The following COL21A1 variants were observed in gnomAD, a reference collection of about 807,000 sequenced individuals.
COL21A1 encodes collagen alpha-1(XXI) chain.
COL21A1 carries 149 observed loss-of-function variants against 137.9 expected under a neutral mutation model. The ratio of observed to expected loss-of-function variants is 1.08; its 90% CI spans 0.95 to 1.24. The LOEUF is 1.24. COL21A1 is among the 50% of genes most tolerant of loss of function. The pLI, the probability that COL21A1 is intolerant of heterozygous loss-of-function variation, is 0.00. For synonymous variants in COL21A1, 456 were observed against 391.5 expected, an observed-to-expected ratio of 1.16 and a Z score of -1.95; for missense variants, 1,167 against 1,158.4, an observed-to-expected ratio of 1.01 and a Z score of -0.11.
At chr6:56,078,671 T>C (rs1290283379) in intron 17 of COL21A1, among the ~76,000 whole-genome samples, 1 of 151,686 alleles carries the variant, frequency 6.6e-6, no homozygotes, top group Non-Finnish European at 1.5e-5. Flanking sequence ...ATCGCAATTA[T>C]AGGGCAAGAC....
chr6:56,069,699 A>G (rs1177294544), intron 21 of COL21A1, among the ~76,000 whole-genome samples: 1 of 150,638 alleles, frequency 6.6e-6, no homozygotes, highest in Non-Finnish European at 1.5e-5. Context: ...TATTAATATT[A>G]TAAAGTTCTT....
At chr6:56,219,412 T>C (rs1004018774) in intron 1 of COL21A1, among the ~76,000 whole-genome samples, 1 of 151,976 alleles carries the variant, frequency 6.6e-6, no homozygotes, top group Non-Finnish European at 1.5e-5. Flanking sequence ...GGCCCAATTC[T>C]TCTCCACAAC....
chr6:56,204,739 G>C (rs537666430), intron 1 of COL21A1, among the ~76,000 whole-genome samples: 212 of 152,292 alleles, frequency 1.4e-3, no homozygotes, highest in Non-Finnish European at 2.6e-3. Context: ...GCTCTGGCTG[G>C]CATCTGGCAG....
intron 1 of COL21A1, among the ~76,000 whole-genome samples, chr6:56,224,531 T>C (rs1335280438): frequency 6.6e-6 from 1 of 152,088 alleles, no homozygotes; most frequent in Non-Finnish European, 1.5e-5. Context: ...ATATACCTTA[T>C]GTCAATAAGT....
intron 16 of COL21A1, among the ~76,000 whole-genome samples, chr6:56,102,086 T>G (rs12214519): frequency 0.15 from 23,030 of 152,044 alleles, 1,750 homozygotes; most frequent in Middle Eastern, 0.22. Flanking sequence ...GATATATACC[T>G]TTACATTACT....
chr6:56,202,987 C>A (rs1281133155), intron 1 of COL21A1, among the ~76,000 whole-genome samples: 2 of 152,148 alleles, frequency 1.3e-5, no homozygotes, highest in Admixed American at 6.5e-5. Flanking sequence ...ATAAATGCAG[C>A]CTTTTTCTCT....
At chr6:56,184,279 T>C (rs1486338121) in intron 1 of COL21A1, among the ~76,000 whole-genome samples, 1 of 152,040 alleles carries the variant, frequency 6.6e-6, no homozygotes, top group Non-Finnish European at 1.5e-5. Flanking sequence ...TTCCTAAAAG[T>C]GGCCAGAGGA....
In COL21A1 at chr6:56,180,024, T is replaced by C; in HGVS notation, c.194A>G (p.Lys65Arg). The C allele has an allele frequency of 1.9e-6, 3 of 1,613,818 alleles. No homozygotes were observed. The East Asian group carries it at 6.7e-5, about 36-fold the overall frequency. The change falls in exon 3 of 30, where the codon AAA becomes AGA. Residue 65 changes from lysine to arginine, a missense_variant. Transcript: ENST00000244728. ...IVKKWLVNITKNFDIGPKFIQ... is the reference protein window; with the variant it reads ...IVKKWLVNITRNFDIGPKFIQ... ...AAACTTCGGCCCTATGTCAAAGTTT[T>C]TTGTGATATTGACAAGCCACTTTTT...
intron 1 of COL21A1, among the ~76,000 whole-genome samples, chr6:56,291,984 C>T (rs1042789412): frequency 3.9e-5 from 6 of 152,048 alleles, no homozygotes; most frequent in African/African-American, 1.5e-4. Flanking sequence ...GCCTGGCCAA[C>T]GTAGTGAAAC....
Position 56,056,862 on chromosome 6 carries a change from G to A in COL21A1, c.*795C>T, listed in dbSNP as rs1168255919. ...CATATATGGACATACACATATAAGT[G>A]AAATGGAAAATGAAGGCATACAACA... On this transcript the variant is annotated 3_prime_UTR_variant, in exon 30 of 30. Transcript: ENST00000244728. 1 of 152,158 alleles carries A rather than the reference G, an allele frequency of 6.6e-6. No individual in the cohort carries two copies. Among genetic ancestry groups the A allele is most frequent in the Non-Finnish European group, 1.5e-5 (1 of 68,018 alleles). The allele number at this position is 152,158 out of a possible 1,614,324, so 9.4% of individuals were successfully genotyped here.
At chr6:56,361,520 T>C (rs1765963896) in intron 1 of COL21A1, among the ~76,000 whole-genome samples, 2 of 152,188 alleles carry the variant, frequency 1.3e-5, no homozygotes. Flanking sequence ...TTTGAAATGA[T>C]GTAGAAGATT....
At chr6:56,156,855 A>G (rs758656650) in intron 10 of COL21A1, 32 bp downstream of exon 10, 42 of 1,568,092 alleles carry the variant, frequency 2.7e-5, no homozygotes, top group Middle Eastern at 1.7e-4. Context: ...AATCCCAGAT[A>G]TACCGGAGAT....
chr6:56,175,497 A>G (rs1777396361), intron 3 of COL21A1, among the ~76,000 whole-genome samples: 1 of 152,094 alleles, frequency 6.6e-6, no homozygotes, highest in African/African-American at 2.4e-5. Flanking sequence ...TCTATTCAGT[A>G]ACAACAATTT....
intron 22 of COL21A1, among the ~76,000 whole-genome samples, chr6:56,067,865 T>G (rs1359819556): frequency 6.6e-6 from 1 of 151,766 alleles, no homozygotes; most frequent in Admixed American, 6.6e-5. Flanking sequence ...AGAAACCAAC[T>G]TATACAATGC....
chr6:56,258,517 C>T (rs1281920670), intron 1 of COL21A1, among the ~76,000 whole-genome samples: 2 of 152,020 alleles, frequency 1.3e-5, no homozygotes, highest in Non-Finnish European at 2.9e-5. Flanking sequence ...AGGGAAGCCT[C>T]GGAGTAAGGT....
chr6:56,131,712 T>C (rs1773567281), intron 12 of COL21A1, among the ~76,000 whole-genome samples: 1 of 152,012 alleles, frequency 6.6e-6, no homozygotes, highest in Non-Finnish European at 1.5e-5. Flanking sequence ...TGAAACAAGA[T>C]TGTGGATGCT....
Position 56,180,124 on chromosome 6 carries a change from G to A in COL21A1, c.94C>T (p.Arg32Cys), listed in dbSNP as rs959481391. The A allele has an allele frequency of 8.7e-6, 14 of 1,603,264 alleles. No individual in the cohort carries two copies. The highest frequency in any genetic ancestry group is 2.2e-5 in the South Asian group (2 of 89,196). ...AEDGEVRSSC[R>C]TAPTDLVFIL... Reference sequence around the variant, plus strand: ...AAAACTAAATCTGTCGGAGCAGTACGACAACCTAAGTGCAAAAGAAAACCA... The same window carrying A: ...AAAACTAAATCTGTCGGAGCAGTACAACAACCTAAGTGCAAAAGAAAACCA... Residue 32 changes from arginine (R) to cysteine (C), a missense_variant, in exon 3 of 30, where the codon CGT (arginine) becomes TGT (cysteine). By Grantham distance (180) the Arg-to-Cys change is radical. Transcript: ENST00000244728.
intron 3 of COL21A1, among the ~76,000 whole-genome samples, chr6:56,177,561 A>G (rs1038293974): frequency 6.6e-6 from 1 of 152,132 alleles, no homozygotes; most frequent in African/African-American, 2.4e-5. Context: ...TGGGAGGCTG[A>G]GGCGGGCGGA....
At chr6:56,375,827 A>G (rs1226896737) in intron 1 of COL21A1, among the ~76,000 whole-genome samples, 1 of 152,146 alleles carries the variant, frequency 6.6e-6, no homozygotes, top group Non-Finnish European at 1.5e-5. Context: ...AAGCAAGTTG[A>G]ATGAGAATGA....
Sources: gnomAD v4.1 joint callset for allele counts (sites outside exome capture counted in the v4.1 genomes callset) on GRCh38, gnomAD v4.1.1 for gene constraint, MANE v1.5 for transcripts, NCBI Gene and HGNC (gene_info 2026-07-23, HGNC 2026-07-21) for gene names.